The following SLC25A26 variants were observed in gnomAD, a reference collection of about 807,000 sequenced individuals.
SLC25A26 encodes solute carrier family 25 member 26.
In SLC25A26, 36 loss-of-function variants were observed where a neutral mutation model predicts 37.8. The ratio of observed to expected loss-of-function variants is 0.95; its 90% confidence interval spans 0.73 to 1.26. The LOEUF (loss-of-function observed/expected upper bound fraction) is 1.26. Ranked by LOEUF, SLC25A26 falls within the 50% of genes most tolerant of loss-of-function variation. The pLI, the probability that SLC25A26 is intolerant of heterozygous loss-of-function variation, is 0.00. For synonymous variants in SLC25A26, 129 were observed against 122.5 expected, an observed-to-expected ratio of 1.05 and a Z score of -0.35; for missense variants, 390 against 331.1, an observed-to-expected ratio of 1.18 and a Z score of -1.38.
chr3:66,317,880 G>C (rs1241473100), intron 5 of SLC25A26, among the ~76,000 whole-genome samples: 1 of 152,188 alleles, frequency 6.6e-6, no homozygotes, highest in African/African-American at 2.4e-5. Flanking sequence ...TAAAGAATCA[G>C]TCTGGCCAAG....
At chr3:66,223,860 G>T (rs1553659541) in intron 1 of SLC25A26, among the ~76,000 whole-genome samples, 1 of 152,142 alleles carries the variant, frequency 6.6e-6, no homozygotes. Context: ...ACATTGATCA[G>T]TGCATACTTT....
chr3:66,183,439 A>G (rs2070755149), intron 1 of SLC25A26, among the ~76,000 whole-genome samples: 1 of 151,840 alleles, frequency 6.6e-6, no homozygotes, highest in African/African-American at 2.4e-5. Context: ...CCTAATCTTG[A>G]ACCTGACTCT....
intron 3 of SLC25A26, among the ~76,000 whole-genome samples, chr3:66,251,099 G>A (rs1382744569): frequency 6.6e-6 from 1 of 152,136 alleles, no homozygotes; most frequent in African/African-American, 2.4e-5. Context: ...GACCTTGTTA[G>A]GTAGTTTTAA....
At chr3:66,180,305 T>C (rs1207289006) in intron 1 of SLC25A26, among the ~76,000 whole-genome samples, 1 of 152,190 alleles carries the variant, frequency 6.6e-6, no homozygotes, top group Non-Finnish European at 1.5e-5. Context: ...TCTTTCTCTG[T>C]CTCCCTTTGA....
chr3:66,233,702 T>G (rs2072139030), intron 1 of SLC25A26, among the ~76,000 whole-genome samples: 2 of 152,064 alleles, frequency 1.3e-5, no homozygotes, highest in Non-Finnish European at 2.9e-5. Context: ...GCTGTTTTTC[T>G]TTTTTTTCAG....
At chr3:66,271,868 G>A (rs538962529) in intron 5 of SLC25A26, among the ~76,000 whole-genome samples, 8 of 151,834 alleles carry the variant, frequency 5.3e-5, no homozygotes, top group Non-Finnish European at 1.0e-4. Context: ...GGAAATGTCT[G>A]TTCGTTTTCT....
chr3:66,373,699 T>C (rs115508886), intron 9 of SLC25A26, among the ~76,000 whole-genome samples: 6,417 of 151,004 alleles, frequency 0.042, 459 homozygotes, highest in African/African-American at 0.15. Context: ...TTTAAGCAAG[T>C]GTAGTTTGGT....
At chr3:66,142,895 C>T (rs1028284122) in intron 1 of SLC25A26, among the ~76,000 whole-genome samples, 2 of 152,136 alleles carry the variant, frequency 1.3e-5, no homozygotes, top group South Asian at 4.1e-4. Context: ...TCCTGAGTAG[C>T]TGGGATTACA....
chr3:66,302,354 G>A (rs1029027071), intron 5 of SLC25A26, among the ~76,000 whole-genome samples: 1 of 152,182 alleles, frequency 6.6e-6, no homozygotes, highest in Non-Finnish European at 1.5e-5. Context: ...GACAATCTGG[G>A]TATCTGGTCA....
chr3:66,176,813 G>C (rs2070594148), intron 1 of SLC25A26, among the ~76,000 whole-genome samples: 2 of 152,136 alleles, frequency 1.3e-5, no homozygotes, highest in Admixed American at 6.5e-5. Flanking sequence ...ATTTTTGGTT[G>C]CCTTAATTGG....
intron 5 of SLC25A26, among the ~76,000 whole-genome samples, chr3:66,279,182 G>T (rs1294629266): frequency 6.6e-6 from 1 of 152,022 alleles, no homozygotes; most frequent in Non-Finnish European, 1.5e-5. Context: ...TTATTTTTAG[G>T]TATGACAACT....
Position 66,300,202 on chromosome 3 carries a change from A to G in SLC25A26, c.453+36823A>G, listed in dbSNP as rs1310133727. On this transcript the variant is annotated intron_variant, in intron 5 of 9. Transcript: ENST00000354883. ...AGCTAATCAAATTTAATTATAGCTT[A>G]AATCCCGTTACAGTGAACTCCAGTG... Among the ~76,000 whole-genome samples the G allele has an allele frequency of 2.0e-5, 3 of 151,150 alleles. No homozygotes were observed. The East Asian group carries it at 5.8e-4, about 29-fold the overall frequency.
At chr3:66,199,611 A>ATACT (rs1307462071) in intron 1 of SLC25A26, among the ~76,000 whole-genome samples, 1 of 152,032 alleles carries the variant, frequency 6.6e-6, no homozygotes, top group African/African-American at 2.4e-5. Context: ...TAACCCTCTG[A>ATACT]TACTGATCCT....
intron 1 of SLC25A26, among the ~76,000 whole-genome samples, chr3:66,139,666 T>C (rs946656106): frequency 1.3e-5 from 2 of 152,198 alleles, no homozygotes; most frequent in African/African-American, 4.8e-5. Context: ...GCAGTACAGA[T>C]GGTCGGCTGC....
rs2071460159 is a variant in SLC25A26, at chr3:66,221,021, G to A, written c.-74G>A. ...AAGACAGACCCGCCTCAAACATGGC[G>A]GCGCCCAGCGCGCGAGGACGTGATC... On this transcript the variant is annotated 5_prime_UTR_variant, in exon 1 of 10. Coordinates refer to ENST00000354883, the MANE Select transcript of SLC25A26 (RefSeq NM_001379210.1). 2 of 1,489,436 alleles carry A rather than the reference G, an allele frequency of 1.3e-6. No homozygotes were observed. Among genetic ancestry groups the A allele is most frequent in the African/African-American group, 1.4e-5 (1 of 72,004 alleles). The allele number at this position is 1,489,436 out of a possible 1,614,324, so 92.3% of individuals were successfully genotyped here.
rs566989365 is a variant in SLC25A26 at position 66,293,380 on chromosome 3, T to A, written c.453+30001T>A. 4.5e-4 allele frequency among the ~76,000 whole-genome samples: 68 copies of A among 152,204 alleles called. No individual in the cohort carries two copies. In the South Asian group the frequency reaches 0.012, roughly 27 times the overall value. The stretch of plus-strand genomic sequence containing the variant: ...GGGATTTTTGTTAATTCTTTTTTTT[T>A]AAAATTTAAATTTACTTTAGGTTCA... On this transcript the variant is annotated intron_variant, in intron 5 of 9. Coordinates refer to ENST00000354883, the MANE Select transcript of SLC25A26 (RefSeq NM_001379210.1).
chr3:66,371,617 C>T (rs1700349106), intron 9 of SLC25A26, among the ~76,000 whole-genome samples: 5 of 152,100 alleles, frequency 3.3e-5, no homozygotes, highest in Admixed American at 2.6e-4. Context: ...TGGCTGTTGA[C>T]GTCTAGTGAG....
intron 5 of SLC25A26, among the ~76,000 whole-genome samples, chr3:66,287,860 C>G (rs376236779): frequency 7.1e-4 from 108 of 152,290 alleles, no homozygotes; most frequent in African/African-American, 2.4e-3. Flanking sequence ...CTCTAAAAAT[C>G]ATGGAATTAA....
intron 1 of SLC25A26, among the ~76,000 whole-genome samples, chr3:66,223,512 A>G (rs1206764640): frequency 6.6e-6 from 1 of 152,128 alleles, no homozygotes; most frequent in Non-Finnish European, 1.5e-5. Context: ...TGGAGTGGCT[A>G]CTTTTTAATG....
Sources: gnomAD v4.1 joint callset for allele counts (sites outside exome capture counted in the v4.1 genomes callset) on GRCh38, gnomAD v4.1.1 for gene constraint, MANE v1.5 for transcripts, NCBI Gene and HGNC (gene_info 2026-07-23, HGNC 2026-07-21) for gene names.